SWAP70: variants seen among roughly 807,000 people sequenced by gnomAD.
SWAP70 encodes switching B cell complex subunit SWAP70, also known as switch-associated protein 70.
Under a neutral mutation model 80.2 loss-of-function variants are expected in SWAP70, and 34 were observed. The ratio of observed to expected loss-of-function variants is 0.42; its 90% CI spans 0.32 to 0.56. The LOEUF (loss-of-function observed/expected upper bound fraction) is 0.56, where lower values mean the gene tolerates loss of function less well. SWAP70 is among the 20% of genes least tolerant of loss of function. The pLI, the probability that SWAP70 is intolerant of heterozygous loss-of-function variation, is 0.09. For missense variants in SWAP70, 578 were observed against 690.7 expected (o/e 0.84, Z 1.83); for synonymous variants, 239 against 238.5 (o/e 1.00, Z -0.02).
At chr11:9,690,513 G>A (rs1293990150) in intron 1 of SWAP70, among the ~76,000 whole-genome samples, 1 of 152,020 alleles carries the variant, frequency 6.6e-6, no homozygotes, top group Non-Finnish European at 1.5e-5. Flanking sequence ...GGAGGCAGAC[G>A]TTGCTGAGAT....
intron 9 of SWAP70, among the ~76,000 whole-genome samples, chr11:9,744,604 A>T (rs182905379): frequency 8.1e-4 from 123 of 152,322 alleles, no homozygotes; most frequent in African/African-American, 2.6e-3. Context: ...TGTTCATTTA[A>T]AATGTAGAAT....
chr11:9,684,052 A>C (rs1189596587), intron 1 of SWAP70, among the ~76,000 whole-genome samples: 1 of 151,636 alleles, frequency 6.6e-6, no homozygotes, highest in African/African-American at 2.4e-5. Context: ...GTATATTTTA[A>C]TGACTTCAGA....
At chr11:9,705,430 ATACAC>A (rs1565121219) in intron 2 of SWAP70, among the ~76,000 whole-genome samples, 3 of 130,968 alleles carry the variant, frequency 2.3e-5, no homozygotes, top group Non-Finnish European at 3.2e-5. Flanking sequence ...GGTGATCTGT[ATACAC>A]TGGTGATCTG....
At chr11:9,710,393 C>T (rs568494360) in intron 2 of SWAP70, among the ~76,000 whole-genome samples, 1 of 152,026 alleles carries the variant, frequency 6.6e-6, no homozygotes, top group Non-Finnish European at 1.5e-5. Context: ...TTGATGGGGC[C>T]GTGGGAAATG....
intron 3 of SWAP70, among the ~76,000 whole-genome samples, chr11:9,718,868 G>A (rs1290258027): frequency 1.3e-5 from 2 of 152,060 alleles, no homozygotes; most frequent in Non-Finnish European, 2.9e-5. Context: ...GGGAGGCTGA[G>A]GTGGGAGGAT....
chr11:9,747,558 G>A (rs535177849), intron 9 of SWAP70, among the ~76,000 whole-genome samples: 5 of 152,220 alleles, frequency 3.3e-5, no homozygotes, highest in Non-Finnish European at 7.3e-5. Context: ...TTTACTGTGA[G>A]GATTAATTGA....
In SWAP70 at chr11:9,671,057, A is replaced by G. The variant is rs932693914; in HGVS notation, c.99+6779A>G. ...CGTGAGCCACCATGCCCGGCCTATT[A>G]TTGTTTTTTATATATACAAATATAA... On this transcript the variant is annotated intron_variant, in intron 1 of 11. Coordinates refer to ENST00000318950, the MANE Select transcript of SWAP70 (RefSeq NM_015055.4). 8.9e-5 allele frequency among the ~76,000 whole-genome samples: 13 copies of G among 145,598 alleles called. No individual in the cohort carries two copies. The East Asian group carries it at 9.8e-4, about 11-fold the overall frequency.
At chr11:9,703,878 A>G (rs1565120585) in intron 2 of SWAP70, among the ~76,000 whole-genome samples, 1 of 152,352 alleles carries the variant, frequency 6.6e-6, no homozygotes, top group South Asian at 2.1e-4. Context: ...GTAATAAAAT[A>G]TAGAACTGGG....
At chr11:9,688,419 G>A (rs572731009) in intron 1 of SWAP70, among the ~76,000 whole-genome samples, 10 of 152,144 alleles carry the variant, frequency 6.6e-5, no homozygotes, top group Non-Finnish European at 1.3e-4. Flanking sequence ...TGTTAGGCAG[G>A]AAAGGAGGTA....
At position 9,686,928 on chromosome 11, in the gene SWAP70, T is replaced by C. The variant is rs78210795; in HGVS notation, c.100-7218T>C. Among the ~76,000 whole-genome samples, 655 of 152,352 alleles carry C rather than the reference T, an allele frequency of 4.3e-3. 7 individuals carry two copies. Among genetic ancestry groups the C allele is most frequent in the African/African-American group, 0.015 (616 of 41,584 alleles). On this transcript the variant is annotated intron_variant, in intron 1 of 11. Transcript: ENST00000318950. ...AGTACTGAAGTTGAGAAAAACCTGCTCTGTACCTTCTGCAGTGTTGGATAT... is the reference window on the plus strand; with the variant it reads ...AGTACTGAAGTTGAGAAAAACCTGCCCTGTACCTTCTGCAGTGTTGGATAT...
chr11:9,742,962 A>T (rs1851461357), intron 9 of SWAP70, among the ~76,000 whole-genome samples: 2 of 148,808 alleles, frequency 1.3e-5, no homozygotes, highest in South Asian at 4.3e-4. Flanking sequence ...GGTTTGTTAC[A>T]TATGTATACA....
intron 7 of SWAP70, among the ~76,000 whole-genome samples, chr11:9,736,637 T>A (rs564107213): frequency 3.3e-5 from 5 of 152,238 alleles, no homozygotes; most frequent in Non-Finnish European, 5.9e-5. Flanking sequence ...AGGAACACAG[T>A]CACCCTGCGA....
chr11:9,737,046 CAACCAACA>C (rs1158888902), intron 7 of SWAP70, among the ~76,000 whole-genome samples: 1 of 152,228 alleles, frequency 6.6e-6, no homozygotes, highest in African/African-American at 2.4e-5. Context: ...TCATAGCAGT[CAACCAACA>C]AACCAACAAC....
intron 2 of SWAP70, among the ~76,000 whole-genome samples, chr11:9,703,070 C>A (rs2572941): frequency 0.1 from 15,499 of 152,020 alleles, 1,525 homozygotes; most frequent in African/African-American, 0.25. Context: ...AATCTCATAC[C>A]CATTTAGCAA....
At chr11:9,744,848 G>A (rs1419402468) in intron 9 of SWAP70, among the ~76,000 whole-genome samples, 1 of 152,046 alleles carries the variant, frequency 6.6e-6, no homozygotes, top group Non-Finnish European at 1.5e-5. Flanking sequence ...GCAGTGAGCT[G>A]AGATTGCACC....
intron 3 of SWAP70, among the ~76,000 whole-genome samples, chr11:9,715,863 G>A (rs929066622): frequency 2.6e-4 from 39 of 152,188 alleles, no homozygotes; most frequent in African/African-American, 9.2e-4. Context: ...TCCTGGAACT[G>A]TTCTTCCTAT....
At chr11:9,707,663 C>T (rs531807062) in intron 2 of SWAP70, among the ~76,000 whole-genome samples, 2 of 150,882 alleles carry the variant, frequency 1.3e-5, no homozygotes, top group East Asian at 3.9e-4. Context: ...TCAAGTGACT[C>T]TCCTGCCTCA....
Position 9,747,335 on chromosome 11 carries a change from A to C in SWAP70, c.1356-523A>C, listed in dbSNP as rs142946272. 3.5e-3 allele frequency among the ~76,000 whole-genome samples: 531 copies of C among 152,354 alleles called. 3 individuals carry two copies. The highest frequency in any genetic ancestry group is 4.8e-3 in the South Asian group (23 of 4,834). Reference sequence around the variant, plus strand: ...CAATTGTTCAATAAATAGTATCTCTATTCTGTCTGCGTTCACTCCTTTCTT... The same window carrying C: ...CAATTGTTCAATAAATAGTATCTCTCTTCTGTCTGCGTTCACTCCTTTCTT... On this transcript the variant is annotated intron_variant, in intron 9 of 11. Coordinates refer to ENST00000318950, the MANE Select transcript of SWAP70 (RefSeq NM_015055.4).
At chr11:9,713,354 A>G (rs1466230910) in intron 2 of SWAP70, 112 bp from the exon 3 acceptor site, 1 of 1,100,138 alleles carries the variant, frequency 9.1e-7, no homozygotes. Flanking sequence ...CTGTTGGTTA[A>G]TTGGATTGAT....
Sources: allele counts gnomAD v4.1 joint callset (sites outside exome capture counted in the v4.1 genomes callset), GRCh38; gene constraint gnomAD v4.1.1; transcripts MANE v1.5; gene names NCBI Gene and HGNC (gene_info 2026-07-23, HGNC 2026-07-21).